The following ITPKB variants were observed in gnomAD, a reference collection of about 807,000 sequenced individuals.
ITPKB encodes the protein inositol-trisphosphate 3-kinase B, also known as IP3 3-kinase B.
ITPKB carries 13 observed loss-of-function variants against 69.4 expected under a neutral mutation model. That is an observed-to-expected ratio of 0.19 (90% CI 0.12 to 0.30). The LOEUF (loss-of-function observed/expected upper bound fraction) is 0.30. Ranked by LOEUF, ITPKB falls within the 10% of genes least tolerant of loss-of-function variation. The pLI, the probability that ITPKB is intolerant of heterozygous loss-of-function variation, is 1.00. For missense variants in ITPKB, 1,240 were observed against 1,250.5 expected, an observed-to-expected ratio of 0.99 and a Z score of 0.13; for synonymous variants, 584 against 513.7, an observed-to-expected ratio of 1.14 and a Z score of -1.85.
chr1:226,729,036 C>G (rs1034021214), intron 2 of ITPKB, among the ~76,000 whole-genome samples: 1 of 152,176 alleles, frequency 6.6e-6, no homozygotes, highest in Non-Finnish European at 1.5e-5. Context: ...GCTTTAAAAG[C>G]ATGCACTGTG....
chr1:226,669,914 C>T (rs1251024099), intron 2 of ITPKB, among the ~76,000 whole-genome samples: 2 of 150,278 alleles, frequency 1.3e-5, no homozygotes, highest in African/African-American at 2.4e-5. Flanking sequence ...CGAACTGTCG[C>T]CCAGGCTGGA....
intron 2 of ITPKB, among the ~76,000 whole-genome samples, chr1:226,731,801 G>A (rs1379469222): frequency 1.3e-5 from 2 of 152,104 alleles, no homozygotes; most frequent in Non-Finnish European, 2.9e-5. Flanking sequence ...GTACCTGAGA[G>A]AAGAAGGGTA....
At chr1:226,708,166 CA>C (rs931126026) in intron 2 of ITPKB, among the ~76,000 whole-genome samples, 1 of 152,150 alleles carries the variant, frequency 6.6e-6, no homozygotes, top group Non-Finnish European at 1.5e-5. Flanking sequence ...GGCAATTGAT[CA>C]AAGACCAAAT....
At position 226,637,745 on chromosome 1, in the gene ITPKB, G is replaced by A. The variant is rs1377676911; in HGVS notation, c.2559C>T (p.Ala853=). ...GAATGGCCTTCAGCCGGTCCCGATA[G>A]GCGATCTGGGAATAGAAAGAGGACC... ...FTKGNHNILI[A]YRDRLKAIRT... is the part of the protein sequence containing the mutation. Residue 853 remains alanine (A), a synonymous_variant, in exon 7 of 8, where the codon GCC becomes GCT. Coordinates refer to ENST00000429204, the MANE Select transcript of ITPKB (RefSeq NM_002221.4). This position sits in a 1 kb window ranked among gnomAD's most constrained non-coding sequence, Gnocchi z 4.3. 1 of 1,613,390 alleles carries A rather than the reference G, an allele frequency of 6.2e-7. No homozygotes were observed. Among genetic ancestry groups the A allele is most frequent in the South Asian group, 1.1e-5 (1 of 90,958 alleles).
At chr1:226,676,659 C>T (rs1216552284) in intron 2 of ITPKB, among the ~76,000 whole-genome samples, 2 of 152,228 alleles carry the variant, frequency 1.3e-5, no homozygotes, top group Admixed American at 6.5e-5. Context: ...GTATTGTTAT[C>T]TAGCAAAAGT....
intron 2 of ITPKB, among the ~76,000 whole-genome samples, chr1:226,689,851 A>G (rs1447810529): frequency 1.3e-5 from 2 of 152,140 alleles, no homozygotes; most frequent in Non-Finnish European, 2.9e-5. Flanking sequence ...GCTCCCACTT[A>G]TAATAACATG....
In ITPKB at chr1:226,738,271, C is replaced by T. The variant is rs1558104248; in HGVS notation, c.-205-608G>A. ...TACCTTCCTGACCCTAGCCTTGGGGCTGTGTCTCTCGGCCTACGAAGGCCT... is the reference window on the plus strand; with the variant it reads ...TACCTTCCTGACCCTAGCCTTGGGGTTGTGTCTCTCGGCCTACGAAGGCCT... On this transcript the variant is annotated intron_variant, in intron 1 of 7. Coordinates refer to ENST00000429204, the MANE Select transcript of ITPKB (RefSeq NM_002221.4). This position sits in a 1 kb window ranked among gnomAD's most constrained non-coding sequence, Gnocchi z 4.2. 3.3e-5 allele frequency among the ~76,000 whole-genome samples: 5 copies of T among 152,214 alleles called. No individual in the cohort carries two copies.
At chr1:226,697,568 C>T (rs1024233459) in intron 2 of ITPKB, among the ~76,000 whole-genome samples, 1 of 152,192 alleles carries the variant, frequency 6.6e-6, no homozygotes, top group African/African-American at 2.4e-5. Context: ...AATAGCTGGC[C>T]ATTTCTTCTG....
chr1:226,710,279 C>T (rs1460625978), intron 2 of ITPKB, among the ~76,000 whole-genome samples: 1 of 152,030 alleles, frequency 6.6e-6, no homozygotes, highest in African/African-American at 2.4e-5. Context: ...TTTTTAGAAA[C>T]GGGAGACAGA....
intron 2 of ITPKB, among the ~76,000 whole-genome samples, chr1:226,652,759 C>T (rs935732459): frequency 6.6e-6 from 1 of 152,250 alleles, no homozygotes; most frequent in African/African-American, 2.4e-5. Flanking sequence ...TTGTGGACAC[C>T]TCCCGGAGTG....
intron 2 of ITPKB, among the ~76,000 whole-genome samples, chr1:226,662,231 G>A (rs955618387): frequency 1.3e-5 from 2 of 152,194 alleles, no homozygotes; most frequent in African/African-American, 4.8e-5. Flanking sequence ...GCCACAAGTG[G>A]AAACAGACTT....
intron 5 of ITPKB, among the ~76,000 whole-genome samples, chr1:226,639,958 G>C (rs946871306): frequency 6.6e-6 from 1 of 152,174 alleles, no homozygotes; most frequent in African/African-American, 2.4e-5. Context: ...GGAGGAGCAT[G>C]ACCCGGGGCT....
intron 2 of ITPKB, among the ~76,000 whole-genome samples, chr1:226,722,191 G>A (rs1194399921): frequency 5.3e-5 from 8 of 152,210 alleles, no homozygotes; most frequent in Admixed American, 5.2e-4. Context: ...CCAGGCTCAA[G>A]GTTCCTAGCA....
chr1:226,638,299 C>T (rs1006545604), intron 6 of ITPKB, among the ~76,000 whole-genome samples: 14 of 152,204 alleles, frequency 9.2e-5, no homozygotes, highest in African/African-American at 1.9e-4. Flanking sequence ...ACTTGGGCTA[C>T]GAAAGAGTCA....
At chr1:226,664,956 G>A (rs1669469729) in intron 2 of ITPKB, among the ~76,000 whole-genome samples, 2 of 152,220 alleles carry the variant, frequency 1.3e-5, no homozygotes, top group African/African-American at 4.8e-5. Context: ...AGCCAGCAGA[G>A]GCTCCCTGTA....
intron 2 of ITPKB, among the ~76,000 whole-genome samples, chr1:226,686,291 G>A (rs1033767436): frequency 1.3e-5 from 2 of 152,218 alleles, no homozygotes. Flanking sequence ...TAGTCACCCA[G>A]TGGGCCTAAT....
intron 2 of ITPKB, among the ~76,000 whole-genome samples, chr1:226,687,690 C>T (rs146280450): frequency 9.6e-4 from 147 of 152,332 alleles, no homozygotes; most frequent in South Asian, 2.1e-4. Context: ...AGACACAGTG[C>T]CCTCCTGCCC....
Position 226,689,569 on chromosome 1 carries a change from T to G in ITPKB, c.1933-40798A>C, listed in dbSNP as rs534354260. ...TTTTTCCTTTGTCGGAAGGTTTTAT[T>G]TGTGTGTGTGTGTGTGTGTGTGTGT... On this transcript the variant is annotated intron_variant, in intron 2 of 7. Transcript: ENST00000429204. 2.6e-3 allele frequency among the ~76,000 whole-genome samples: 360 copies of G among 138,602 alleles called. 1 individual carries two copies. The highest frequency in any genetic ancestry group is 9.5e-3 in the African/African-American group (351 of 36,808). The allele number at this position is 138,602 out of a possible 152,430, so 90.9% of individuals were successfully genotyped here.
At chr1:226,640,929 G>A (rs900207678) in intron 5 of ITPKB, among the ~76,000 whole-genome samples, 7 of 152,158 alleles carry the variant, frequency 4.6e-5, no homozygotes, top group Admixed American at 3.3e-4. Flanking sequence ...AGGCTCAGGG[G>A]ACCCTCCCAT....
Sources: gnomAD v4.1 joint callset for allele counts (sites outside exome capture counted in the v4.1 genomes callset) on GRCh38, gnomAD v4.1.1 for gene constraint, Gnocchi (gnomAD v3.1) non-coding constraint, MANE v1.5 for transcripts, NCBI Gene and HGNC (gene_info 2026-07-23, HGNC 2026-07-21) for gene names.